Variants in CAMTA1 observed in about 807,000 individuals in gnomAD.
CAMTA1 encodes calmodulin-binding transcription activator 1.
A neutral mutation model predicts 170.9 loss-of-function variants in CAMTA1; 27 were observed. That is an observed-to-expected ratio of 0.16 (90% CI 0.12 to 0.22). The LOEUF (loss-of-function observed/expected upper bound fraction) is 0.22. Among genes scored for constraint, CAMTA1 ranks in the 10% least tolerant of loss-of-function variants. CAMTA1 has a pLI of 1.00. For synonymous variants in CAMTA1, 833 were observed against 891.5 expected (o/e 0.93, Z 1.17); for missense variants, 1,619 against 2,217.2 (o/e 0.73, Z 5.42).
intron 6 of CAMTA1, among the ~76,000 whole-genome samples, chr1:7,491,704 T>C (rs1443379000): frequency 6.6e-6 from 1 of 152,228 alleles, no homozygotes; most frequent in Non-Finnish European, 1.5e-5. Context: ...GCCAAAGCAA[T>C]TTGGCTGCTT....
At chr1:7,428,798 C>T (rs2092004684) in intron 5 of CAMTA1, among the ~76,000 whole-genome samples, 1 of 152,040 alleles carries the variant, frequency 6.6e-6, no homozygotes, top group Non-Finnish European at 1.5e-5. Flanking sequence ...ATTGCGTGGC[C>T]TTTGCATATT....
intron 4 of CAMTA1, among the ~76,000 whole-genome samples, chr1:7,155,030 A>T (rs1270999567): frequency 6.6e-6 from 1 of 152,162 alleles, no homozygotes; most frequent in Non-Finnish European, 1.5e-5. Flanking sequence ...GTCTGTCCAC[A>T]CTGGGCCCTT....
At chr1:7,553,018 G>A (rs1030830120) in intron 6 of CAMTA1, among the ~76,000 whole-genome samples, 8 of 152,200 alleles carry the variant, frequency 5.3e-5, no homozygotes, top group African/African-American at 9.7e-5. Flanking sequence ...AGGAACAGCC[G>A]CAGTCTAACT....
intron 4 of CAMTA1, among the ~76,000 whole-genome samples, chr1:7,094,326 C>A (rs1181270308): frequency 2.1e-5 from 3 of 144,572 alleles, no homozygotes; most frequent in African/African-American, 7.7e-5. Flanking sequence ...TACAAACTGG[C>A]CTCCTGGTAT....
intron 19 of CAMTA1, chr1:7,750,873 A>G (rs987786209): frequency 1.4e-5 from 5 of 349,320 alleles, no homozygotes; most frequent in Non-Finnish European, 2.8e-5. Context: ...GAAGCATTTA[A>G]AATTTTACTG....
In CAMTA1 at chr1:7,635,606, C is replaced by T. The variant is rs2095705748; in HGVS notation, c.511-4794C>T. Among the ~76,000 whole-genome samples, 6 of 126,754 alleles carry T rather than the reference C, an allele frequency of 4.7e-5. No homozygotes were observed. The highest frequency in any genetic ancestry group is 3.7e-4 in the Admixed American group (5 of 13,480). 83.2% of individuals were successfully genotyped at this position (126,754 alleles called of 152,430 possible). A position where few individuals can be genotyped will look rare whatever the true frequency, so the allele number is the denominator to read the frequency against. On this transcript the variant is annotated intron_variant, in intron 6 of 22. Transcript: ENST00000303635. The surrounding 1 kb of genome is among the most constrained non-coding windows in gnomAD (Gnocchi z 4.4). ...CCTGGGGGACAGAGCAAGACTCCGTCTCAAAAAAAAAAAAAAAAAAATACA... is the reference window on the plus strand; with the variant it reads ...CCTGGGGGACAGAGCAAGACTCCGTTTCAAAAAAAAAAAAAAAAAAATACA...
intron 3 of CAMTA1, among the ~76,000 whole-genome samples, chr1:6,867,764 A>G (rs997538122): frequency 6.6e-6 from 1 of 152,206 alleles, no homozygotes; most frequent in Non-Finnish European, 1.5e-5. Context: ...TAGATTAAAA[A>G]TAATAAACTT....
At chr1:7,204,084 C>T (rs527937401) in intron 4 of CAMTA1, among the ~76,000 whole-genome samples, 8 of 151,798 alleles carry the variant, frequency 5.3e-5, no homozygotes, top group East Asian at 1.9e-4. Context: ...GTGATCCGCT[C>T]GCCTCAGCCT....
At chr1:7,072,394 C>T (rs765315080) in intron 3 of CAMTA1, among the ~76,000 whole-genome samples, 5 of 152,156 alleles carry the variant, frequency 3.3e-5, no homozygotes, top group Non-Finnish European at 7.4e-5. Flanking sequence ...ATTTATTGTG[C>T]GACCTTGAAC....
chr1:7,001,897 CTTT>C (rs35997562), intron 3 of CAMTA1, among the ~76,000 whole-genome samples: 7 of 137,428 alleles, frequency 5.1e-5, no homozygotes, highest in African/African-American at 1.7e-4. Context: ...TCTTCTTCTT[CTTT>C]TTTTTTTTTT....
chr1:7,349,055 C>T (rs2084443459), intron 5 of CAMTA1, among the ~76,000 whole-genome samples: 1 of 152,132 alleles, frequency 6.6e-6, no homozygotes, highest in Admixed American at 6.6e-5. Flanking sequence ...TAAGAGATTC[C>T]ATCCCAGGGC....
intron 6 of CAMTA1, among the ~76,000 whole-genome samples, chr1:7,636,502 A>G (rs534809882): frequency 8.9e-4 from 135 of 152,286 alleles, no homozygotes; most frequent in African/African-American, 3.1e-3. Flanking sequence ...GGATCACCTG[A>G]GGTCAGGAGT....
chr1:7,519,485 A>G (rs1221321116), intron 6 of CAMTA1, among the ~76,000 whole-genome samples: 2 of 151,900 alleles, frequency 1.3e-5, no homozygotes, highest in African/African-American at 2.4e-5. Context: ...TTGGAGATGC[A>G]GGCAGGGCTT....
chr1:7,542,300 C>T (rs1327340695), intron 6 of CAMTA1, among the ~76,000 whole-genome samples: 4 of 151,802 alleles, frequency 2.6e-5, no homozygotes, highest in Non-Finnish European at 5.9e-5. Context: ...ATACTCATGC[C>T]TATGGGTATT....
At chr1:7,687,428 GA>G (rs1208444000) in intron 11 of CAMTA1, among the ~76,000 whole-genome samples, 2 of 152,122 alleles carry the variant, frequency 1.3e-5, no homozygotes, top group Non-Finnish European at 2.9e-5. Flanking sequence ...GAGCTCCACG[GA>G]TTTGCAGAAT....
chr1:7,114,574 C>A (rs1439096248), intron 4 of CAMTA1, among the ~76,000 whole-genome samples: 3 of 152,214 alleles, frequency 2.0e-5, no homozygotes, highest in Admixed American at 2.0e-4. Context: ...GTTGGACAAG[C>A]TTGACATAGG....
At position 7,404,433 on chromosome 1, in the gene CAMTA1, C is replaced by T. The variant is rs540328367; in HGVS notation, c.439-63397C>T. 5.3e-5 allele frequency among the ~76,000 whole-genome samples: 8 copies of T among 152,362 alleles called. No homozygotes were observed. In the South Asian group the frequency reaches 6.2e-4, roughly 12 times the overall value. On this transcript the variant is annotated intron_variant, in intron 5 of 22. Transcript: ENST00000303635. Reference sequence around the variant, plus strand: ...GGTGTTGGTCACCCCCAAGTGTCCACGAGAAGGTGAGCCCCTTTGGGCAGA... The same window carrying T: ...GGTGTTGGTCACCCCCAAGTGTCCATGAGAAGGTGAGCCCCTTTGGGCAGA...
chr1:7,568,044 T>C (rs984404766), intron 6 of CAMTA1, among the ~76,000 whole-genome samples: 6 of 152,236 alleles, frequency 3.9e-5, no homozygotes, highest in Middle Eastern at 3.4e-3. Flanking sequence ...AGGTGATCAA[T>C]AAATGTTTAC....
rs1164547133 is a variant in CAMTA1 at position 7,234,704 on chromosome 1, CTTCTT to C, written c.303-14783_303-14779del. Among the ~76,000 whole-genome samples, 6 of 151,884 alleles carry C rather than the reference CTTCTT, an allele frequency of 4.0e-5. No individual in the cohort carries two copies. Among genetic ancestry groups the C allele is most frequent in the Admixed American group, 6.6e-5 (1 of 15,246 alleles). On this transcript the variant is annotated intron_variant, in intron 4 of 22. Transcript: ENST00000303635. The surrounding 1 kb of genome is among the most constrained non-coding windows in gnomAD (Gnocchi z 5.0). The stretch of plus-strand genomic sequence containing the variant: ...TACCATCTCTCCAAATGGGCAGCCT[CTTCTT>C]TTCAGGGACCTCCAGAGACAATTTA...
Sources: gnomAD v4.1 joint callset for allele counts (sites outside exome capture counted in the v4.1 genomes callset) on GRCh38, gnomAD v4.1.1 for gene constraint, Gnocchi (gnomAD v3.1) non-coding constraint, MANE v1.5 for transcripts, NCBI Gene and HGNC (gene_info 2026-07-23, HGNC 2026-07-21) for gene names.